The following ABCG2 variants were observed in gnomAD, a reference collection of about 807,000 sequenced individuals.
ABCG2 encodes the protein broad substrate specificity ATP-binding cassette transporter ABCG2.
ABCG2 carries 80 observed loss-of-function variants against 73.5 expected under a neutral mutation model. The ratio of observed to expected loss-of-function variants is 1.09; its 90% confidence interval spans 0.91 to 1.31. ABCG2 has a LOEUF of 1.31. Ranked by LOEUF, ABCG2 falls within the 50% of genes most tolerant of loss-of-function variation. ABCG2 has a pLI of 0.00. For synonymous variants in ABCG2, 269 were observed against 282.4 expected (o/e 0.95, Z 0.48); for missense variants, 796 against 786.2 (o/e 1.01, Z -0.15).
intron 1 of ABCG2, among the ~76,000 whole-genome samples, chr4:88,173,729 T>C (rs1255668352): frequency 6.6e-6 from 1 of 152,138 alleles, no homozygotes; most frequent in Non-Finnish European, 1.5e-5. Context: ...CCAGGCATGG[T>C]GGCTCATACC....
At position 88,092,317 on chromosome 4, in the gene ABCG2, T is replaced by G; in HGVS notation, c.1885A>C (p.Asn629His). The G allele has an allele frequency of 6.2e-7, 1 of 1,613,996 alleles. No homozygotes were observed. The highest frequency in any genetic ancestry group is 8.5e-7 in the Non-Finnish European group (1 of 1,179,942). ...IDLSPWGLWK[N>H]HVALACMIVI... is the part of the protein sequence containing the mutation. ...ATCATACAAGCCAAGGCCACGTGAT[T>G]CTTCCACAAGCCCCAGGGTGAGAGA... The change falls in exon 16 of 16, where the codon AAT becomes CAT. Residue 629 changes from asparagine (N) to histidine (H), a missense_variant. Physicochemically the swap from Asn to His is moderately conservative, Grantham distance 68 (BLOSUM62 1). Coordinates refer to ENST00000237612, the MANE Select transcript of ABCG2 (RefSeq NM_004827.3).
chr4:88,133,645 C>T (rs1725050093), intron 2 of ABCG2, among the ~76,000 whole-genome samples: 1 of 152,116 alleles, frequency 6.6e-6, no homozygotes, highest in South Asian at 2.1e-4. Context: ...AAGAAGACAG[C>T]AAATAGTTTG....
At chr4:88,188,886 G>T (rs1206366413) in intron 1 of ABCG2, among the ~76,000 whole-genome samples, 2 of 152,006 alleles carry the variant, frequency 1.3e-5, no homozygotes, top group African/African-American at 2.4e-5. Flanking sequence ...GGTGGTGCAC[G>T]CCTGTAATCC....
At chr4:88,157,991 A>G (rs1042396849) in intron 1 of ABCG2, among the ~76,000 whole-genome samples, 1 of 152,234 alleles carries the variant, frequency 6.6e-6, no homozygotes, top group African/African-American at 2.4e-5. Context: ...CCCAATTGTC[A>G]TTGACCAATT....
chr4:88,122,212 G>A (rs935617117), intron 5 of ABCG2, among the ~76,000 whole-genome samples: 1 of 152,108 alleles, frequency 6.6e-6, no homozygotes, highest in East Asian at 1.9e-4. Context: ...CCAGGGCCCT[G>A]GGTTTCAAAC....
In ABCG2 at chr4:88,121,912, C is replaced by T. The variant is rs1470933036; in HGVS notation, c.532-120G>A. On this transcript the variant is annotated intron_variant, in intron 5 of 15. Coordinates refer to ENST00000237612, the MANE Select transcript of ABCG2 (RefSeq NM_004827.3). ...TCTCATTAAGTTCATTTATTCTGAA[C>T]AGCAAATAAGTGGATACCTGGTAGA... 6.0e-6 allele frequency: 6 copies of T among 993,738 alleles called. No homozygotes were observed. In the Admixed American group the frequency reaches 7.4e-5, roughly 12 times the overall value. The allele number at this position is 993,738 out of a possible 1,614,324, so 61.6% of individuals were successfully genotyped here. A position where few individuals can be genotyped will look rare whatever the true frequency, so the allele number is the denominator to read the frequency against.
At chr4:88,204,972 C>T (rs1032351960) in intron 1 of ABCG2, among the ~76,000 whole-genome samples, 1 of 152,108 alleles carries the variant, frequency 6.6e-6, no homozygotes, top group Non-Finnish European at 1.5e-5. Context: ...TTTGCAAATC[C>T]CACAAAACAG....
chr4:88,095,724 C>G, intron 13 of ABCG2, 115 bp from the exon 14 acceptor site: 2 of 809,986 alleles, frequency 2.5e-6, no homozygotes, highest in Non-Finnish European at 4.1e-6. Context: ...AAAACCAACT[C>G]TTTCTTGAAG....
At chr4:88,104,733 A>G (rs1339404366) in intron 10 of ABCG2, among the ~76,000 whole-genome samples, 2 of 152,132 alleles carry the variant, frequency 1.3e-5, no homozygotes, top group Admixed American at 6.5e-5. Flanking sequence ...AGCTGCAGTG[A>G]GCTATGACTG....
chr4:88,156,671 A>C (rs2110080618), intron 1 of ABCG2, among the ~76,000 whole-genome samples: 1 of 152,356 alleles, frequency 6.6e-6, no homozygotes, highest in South Asian at 2.1e-4. Flanking sequence ...ATTAGGAAAA[A>C]AAACCCGCTA....
At chr4:88,119,420 A>G (rs1723810521) in intron 6 of ABCG2, among the ~76,000 whole-genome samples, 1 of 152,260 alleles carries the variant, frequency 6.6e-6, no homozygotes, top group Non-Finnish European at 1.5e-5. Context: ...ACTGGGTAAC[A>G]GGCAGAGGCT....
At chr4:88,177,291 G>A (rs1053005749) in intron 1 of ABCG2, among the ~76,000 whole-genome samples, 2 of 151,884 alleles carry the variant, frequency 1.3e-5, no homozygotes, top group African/African-American at 2.4e-5. Flanking sequence ...GGAGAATGGC[G>A]GGAACCCAGG....
chr4:88,160,191 G>A (rs182977641), upstream of ABCG2, among the ~76,000 whole-genome samples: 8 of 150,808 alleles, frequency 5.3e-5, no homozygotes, highest in African/African-American at 7.3e-5. Flanking sequence ...CAAATGACCC[G>A]AGATCCCACC....
chr4:88,117,458 C>G (rs1011455896), intron 7 of ABCG2, among the ~76,000 whole-genome samples: 1 of 151,954 alleles, frequency 6.6e-6, no homozygotes, highest in South Asian at 2.1e-4. Flanking sequence ...CAGGGTGAAA[C>G]CCTGTCTCTA....
At chr4:88,206,349 T>C (rs1230856488) in intron 1 of ABCG2, 2 of 151,364 alleles carry the variant, frequency 1.3e-5, no homozygotes, top group African/African-American at 2.4e-5. Flanking sequence ...CACATCCTGA[T>C]ACTACACAGC....
chr4:88,228,077 G>A (rs1288307665), intron 1 of ABCG2, among the ~76,000 whole-genome samples: 1 of 152,236 alleles, frequency 6.6e-6, no homozygotes, highest in East Asian at 1.9e-4. Flanking sequence ...AGGGGATAAT[G>A]TATGGGACAG....
At chr4:88,174,649 C>T (rs1046246111) in intron 1 of ABCG2, among the ~76,000 whole-genome samples, 2 of 152,214 alleles carry the variant, frequency 1.3e-5, no homozygotes, top group African/African-American at 4.8e-5. Flanking sequence ...GCCTCAGCCT[C>T]CCAAAGTGCT....
chr4:88,129,033 A>G (rs1172729207), intron 5 of ABCG2, among the ~76,000 whole-genome samples: 1 of 152,164 alleles, frequency 6.6e-6, no homozygotes, highest in Admixed American at 6.5e-5. Context: ...ATCACAGTCT[A>G]AAAAGGGAGA....
At chr4:88,178,460 T>C (rs1213332965) in intron 1 of ABCG2, among the ~76,000 whole-genome samples, 2 of 152,124 alleles carry the variant, frequency 1.3e-5, no homozygotes, top group African/African-American at 4.8e-5. Flanking sequence ...AGAGACTTGC[T>C]GGCTTAAGCT....
Sources: allele counts gnomAD v4.1 joint callset (sites outside exome capture counted in the v4.1 genomes callset), GRCh38; gene constraint gnomAD v4.1.1; transcripts MANE v1.5; gene names NCBI Gene and HGNC (gene_info 2026-07-23, HGNC 2026-07-21).